Variants in GAB2 observed in about 807,000 individuals in gnomAD.
The protein encoded by GAB2 is GRB2-associated-binding protein 2.
Under a neutral mutation model 65.5 loss-of-function variants are expected in GAB2, and 26 were observed. That is an observed-to-expected ratio of 0.40 (90% CI 0.29 to 0.55). The LOEUF is 0.55. Ranked by LOEUF, GAB2 falls within the 20% of genes least tolerant of loss-of-function variation. The probability of loss-of-function intolerance (pLI) is 0.53; values close to 1 mark genes in which losing one functional copy is unlikely to be tolerated. For synonymous variants in GAB2, 321 were observed against 329.6 expected (o/e 0.97, Z 0.28); for missense variants, 884 against 875.8 (o/e 1.01, Z -0.12).
chr11:78,249,124 T>C (rs1484014882), intron 3 of GAB2, among the ~76,000 whole-genome samples: 1 of 152,080 alleles, frequency 6.6e-6, no homozygotes, highest in Admixed American at 6.6e-5. Flanking sequence ...GTGAAAAGAG[T>C]ACAGGACCAG....
intron 1 of GAB2, among the ~76,000 whole-genome samples, chr11:78,333,692 G>C (rs992498394): frequency 2.0e-5 from 3 of 152,174 alleles, no homozygotes; most frequent in Non-Finnish European, 4.4e-5. Flanking sequence ...TTTTCACCAT[G>C]GGTGATCTAA....
chr11:78,228,308 T>G (rs1367617189), intron 3 of GAB2, among the ~76,000 whole-genome samples: 1 of 152,236 alleles, frequency 6.6e-6, no homozygotes, highest in Non-Finnish European at 1.5e-5. Flanking sequence ...TTGTGTATGA[T>G]TCTTCATAGG....
chr11:78,316,203 G>A (rs1855600243), intron 1 of GAB2, among the ~76,000 whole-genome samples: 1 of 152,046 alleles, frequency 6.6e-6, no homozygotes, highest in Non-Finnish European at 1.5e-5. Flanking sequence ...CTGGTTTTGA[G>A]GCTTTCAGAC....
At chr11:78,369,607 A>G (rs1856541577) in intron 1 of GAB2, among the ~76,000 whole-genome samples, 1 of 152,220 alleles carries the variant, frequency 6.6e-6, no homozygotes, top group Admixed American at 6.5e-5. Context: ...GTTGGTCACA[A>G]GGTAGTATCT....
At chr11:78,290,005 T>C (rs1236225804) in intron 1 of GAB2, among the ~76,000 whole-genome samples, 1 of 151,976 alleles carries the variant, frequency 6.6e-6, no homozygotes, top group Non-Finnish European at 1.5e-5. Context: ...GTTTCATCTT[T>C]CCTTTATTTG....
chr11:78,328,662 A>C (rs530476942), intron 1 of GAB2, among the ~76,000 whole-genome samples: 36 of 152,224 alleles, frequency 2.4e-4, no homozygotes, highest in Admixed American at 5.9e-4. Context: ...AAATGAAAGA[A>C]GCCTTACACA....
chr11:78,373,102 A>G (rs1405456835), intron 1 of GAB2, among the ~76,000 whole-genome samples: 1 of 152,152 alleles, frequency 6.6e-6, no homozygotes, highest in Admixed American at 6.5e-5. Context: ...TAAAGGGAAG[A>G]CTGTGAATAC....
intron 3 of GAB2, among the ~76,000 whole-genome samples, chr11:78,233,061 A>G (rs894434529): frequency 2.3e-5 from 2 of 86,778 alleles, no homozygotes; most frequent in African/African-American, 1.3e-4. Context: ...TTTTTTGGTG[A>G]CAAGGTCTGG....
intron 2 of GAB2, among the ~76,000 whole-genome samples, chr11:78,255,439 A>G (rs1831632929): frequency 6.6e-6 from 1 of 152,210 alleles, no homozygotes; most frequent in African/African-American, 2.4e-5. Flanking sequence ...TTTCTTGCTT[A>G]TCTCAGGAAA....
chr11:78,299,134 A>C (rs1866920757), intron 1 of GAB2, among the ~76,000 whole-genome samples: 1 of 152,160 alleles, frequency 6.6e-6, no homozygotes, highest in Admixed American at 6.5e-5. Flanking sequence ...AATGCACTAA[A>C]TTGTTAATGA....
At chr11:78,226,102 TG>T (rs1565114183) in intron 4 of GAB2, among the ~76,000 whole-genome samples, 1 of 152,270 alleles carries the variant, frequency 6.6e-6, no homozygotes, top group African/African-American at 2.4e-5. Flanking sequence ...CAGTTTGGAC[TG>T]ATCTTCTGAA....
chr11:78,287,149 G>A (rs1866506071), intron 1 of GAB2, among the ~76,000 whole-genome samples: 2 of 152,092 alleles, frequency 1.3e-5, no homozygotes, highest in South Asian at 4.1e-4. Context: ...ATCTTTCAAT[G>A]CAAAAAATAT....
chr11:78,322,126 G>A (rs12574042), intron 1 of GAB2, among the ~76,000 whole-genome samples: 24,345 of 151,148 alleles, frequency 0.16, 2,541 homozygotes, highest in East Asian at 0.41. Flanking sequence ...CCAACATGGC[G>A]AAACCCTGTC....
intron 1 of GAB2, among the ~76,000 whole-genome samples, chr11:78,352,233 C>T (rs1856289769): frequency 6.6e-6 from 1 of 152,144 alleles, no homozygotes. Context: ...AACAAAAACA[C>T]ACAACCACAC....
At chr11:78,335,603 T>C (rs1855984051) in intron 1 of GAB2, among the ~76,000 whole-genome samples, 1 of 152,218 alleles carries the variant, frequency 6.6e-6, no homozygotes, top group East Asian at 1.9e-4. Context: ...GGTCTATGTG[T>C]CTGTTTTTTT....
chr11:78,321,746 T>C (rs1392102827), intron 1 of GAB2, among the ~76,000 whole-genome samples: 6 of 151,950 alleles, frequency 3.9e-5, no homozygotes, highest in Non-Finnish European at 8.8e-5. Context: ...CAAACTATAC[T>C]AAAAGGCTAT....
rs552317984 is a variant in GAB2, at chr11:78,355,024, G to C, written c.75+62622C>G. Among the ~76,000 whole-genome samples, 178 of 152,310 alleles carry C rather than the reference G, an allele frequency of 1.2e-3. 1 individual carries two copies. The highest frequency in any genetic ancestry group is 4.0e-3 in the African/African-American group (168 of 41,558). ...CTCTAGGTTCTGGCTTATTTTCAAA[G>C]GCAAACCACCTTTATGACATTTCAC... On this transcript the variant is annotated intron_variant, in intron 1 of 9. Transcript: ENST00000361507.
chr11:78,219,445 A>G, intron 9 of GAB2, 30 bp from the exon 10 acceptor site: 1 of 1,610,208 alleles, frequency 6.2e-7, no homozygotes, highest in Non-Finnish European at 8.5e-7. Flanking sequence ...AAGAGGGAGT[A>G]GCTGTGAGTT....
intron 1 of GAB2, among the ~76,000 whole-genome samples, chr11:78,340,000 G>C (rs2134689655): frequency 6.6e-6 from 1 of 152,302 alleles, no homozygotes; most frequent in East Asian, 1.9e-4. Flanking sequence ...TCTTTTTAAA[G>C]AGAAAATTGT....
Sources: allele counts gnomAD v4.1 joint callset (sites outside exome capture counted in the v4.1 genomes callset), GRCh38; gene constraint gnomAD v4.1.1; transcripts MANE v1.5; gene names NCBI Gene and HGNC (gene_info 2026-07-23, HGNC 2026-07-21).